The following SREBF2 variants were observed in gnomAD, a reference collection of about 807,000 sequenced individuals.
The protein encoded by SREBF2 is sterol regulatory element-binding protein 2.
In SREBF2, 55 loss-of-function variants were observed where a neutral mutation model predicts 113.1. The observed-to-expected ratio is 0.49, with a 90% CI of 0.39 to 0.61. The LOEUF is 0.61. Among genes scored for constraint, SREBF2 ranks in the 20% least tolerant of loss-of-function variants. The pLI, the probability that SREBF2 is intolerant of heterozygous loss-of-function variation, is 0.00. For synonymous variants in SREBF2, 593 were observed against 605.7 expected (o/e 0.98, Z 0.31); for missense variants, 1,349 against 1,487.4 (o/e 0.91, Z 1.53).
At chr22:41,864,788 C>T (rs2077060403) in intron 1 of SREBF2, among the ~76,000 whole-genome samples, 1 of 151,722 alleles carries the variant, frequency 6.6e-6, no homozygotes, top group African/African-American at 2.4e-5. Flanking sequence ...CTCGTCTCTA[C>T]AGAAAATACA....
At chr22:41,851,903 A>G (rs1028006298) in intron 1 of SREBF2, among the ~76,000 whole-genome samples, 4 of 151,886 alleles carry the variant, frequency 2.6e-5, no homozygotes, top group African/African-American at 7.2e-5. Flanking sequence ...GGTGGATCAC[A>G]AGGTCAGGAG....
chr22:41,905,592 C>T lies in SREBF2; in HGVS notation c.3358C>T (p.Arg1120Cys), dbSNP rs370196827. The change falls in exon 19 of 19, where the codon CGC (arginine) becomes TGC (cysteine). Residue 1120 changes from arginine to cysteine, a missense_variant. By Grantham distance (180) the Arg-to-Cys change is radical. Around this residue, in one of 2 missense-constraint regions of SREBF2, gnomAD observed 650 missense variants for 644.1 expected, o/e 1.01. Transcript: ENST00000361204. The stretch of plus-strand genomic sequence containing the variant: ...CACCCTGGAGAAGGTGGGCGACCGG[C>T]GCTCCTGCAACGACTGCCAGCAGAT... Reference protein sequence around the residue: ...ARTLEKVGDRRSCNDCQQMIV... With the variant: ...ARTLEKVGDRCSCNDCQQMIV... 26 of 1,599,216 alleles carry T rather than the reference C, an allele frequency of 1.6e-5. No homozygotes were observed. Among genetic ancestry groups the T allele is most frequent in the Middle Eastern group, 1.6e-4 (1 of 6,074 alleles).
In SREBF2 at chr22:41,893,175, A is replaced by T. The variant is rs759919320; in HGVS notation, c.2267A>T (p.Asp756Val). The T allele has an allele frequency of 1.2e-6, 2 of 1,613,634 alleles. No homozygotes were observed. The highest frequency in any genetic ancestry group is 3.3e-5 in the Admixed American group (2 of 59,972). ...LCGPEHSAVP[D>V]SLRWLCHPLG... is the part of the protein sequence containing the mutation. Reference sequence around the variant, plus strand: ...GGCCCCGAGCACAGTGCTGTTCCTGACTCCCTGCGCTGGCTCTGCCACCCC... The same window carrying T: ...GGCCCCGAGCACAGTGCTGTTCCTGTCTCCCTGCGCTGGCTCTGCCACCCC... The change falls in exon 12 of 19, where the codon GAC (aspartate) becomes GTC (valine). Residue 756 changes from aspartate to valine, a missense_variant. Asp to Val is a radical substitution (Grantham distance 152, BLOSUM62 -3). Transcript: ENST00000361204.
At chr22:41,873,765 G>A (rs940394722) in intron 4 of SREBF2, 33 bp from the exon 5 acceptor site, 1 of 1,565,970 alleles carries the variant, frequency 6.4e-7, no homozygotes, top group South Asian at 1.2e-5. Flanking sequence ...CTAACAAAGG[G>A]ATCATTCTGC....
At chr22:41,879,950 C>T (rs552591256) in intron 9 of SREBF2, among the ~76,000 whole-genome samples, 52 of 152,258 alleles carry the variant, frequency 3.4e-4, no homozygotes, top group Non-Finnish European at 5.7e-4. Context: ...AAGCCGGGTG[C>T]TGTGGCTCAC....
intron 1 of SREBF2, among the ~76,000 whole-genome samples, chr22:41,862,021 A>G (rs890111550): frequency 1.3e-5 from 2 of 151,494 alleles, no homozygotes; most frequent in Admixed American, 6.6e-5. Flanking sequence ...CCCAGCCCCT[A>G]ATAGGGCTGG....
chr22:41,836,804 A>T (rs1310006714), intron 1 of SREBF2, among the ~76,000 whole-genome samples: 1 of 152,132 alleles, frequency 6.6e-6, no homozygotes, highest in Non-Finnish European at 1.5e-5. Context: ...AGGCAGGGTG[A>T]GTACATTTAC....
At chr22:41,894,536 C>T (rs1268909129) in intron 12 of SREBF2, among the ~76,000 whole-genome samples, 1 of 152,142 alleles carries the variant, frequency 6.6e-6, no homozygotes, top group African/African-American at 2.4e-5. Context: ...CCTGACAGCT[C>T]CCAACCTTAG....
chr22:41,900,376 G>A lies in SREBF2; in HGVS notation c.2785G>A (p.Ala929Thr). 2 of 1,613,864 alleles carry A rather than the reference G, an allele frequency of 1.2e-6. No homozygotes were observed. The highest frequency in any genetic ancestry group is 1.7e-6 in the Non-Finnish European group (2 of 1,180,042). Residue 929 changes from alanine (A) to threonine (T), a missense_variant, in exon 16 of 19, where the codon GCC becomes ACC. Around this residue, in one of 2 missense-constraint regions of SREBF2, gnomAD observed 650 missense variants for 644.1 expected, o/e 1.01. Transcript: ENST00000361204. ...CTTCCATGCCTGCAGAGCCATGCAT[G>A]CCTCACTCCCTGGGAAAGCAGATGG... ...AIFHACRAMH[A>T]SLPGKADGQQ...
Position 41,904,887 on chromosome 22 carries a change from C to T in SREBF2, c.3118C>T (p.Arg1040Cys), listed in dbSNP as rs1354688807. The T allele has an allele frequency of 1.4e-5, 22 of 1,601,936 alleles. No individual in the cohort carries two copies. The highest frequency in any genetic ancestry group is 1.9e-5 in the Non-Finnish European group (22 of 1,176,796). The change falls in exon 18 of 19, where the codon CGC becomes TGC. Residue 1040 changes from arginine to cysteine, a missense_variant. Physicochemically the swap from Arg to Cys is radical, Grantham distance 180. Transcript: ENST00000361204. ...RKVFLHEATV[R>C]LMAGASPTRT... ...GGTGTTCCTGCATGAAGCCACCGTG[C>T]GCCTGATGGCAGGAGCCAGCCCCAC... is the stretch of plus-strand genomic sequence containing the variant.
chr22:41,872,939 T>G (rs2077160148), intron 4 of SREBF2, among the ~76,000 whole-genome samples: 1 of 151,198 alleles, frequency 6.6e-6, no homozygotes, highest in Non-Finnish European at 1.5e-5. Context: ...GGCTCACGCC[T>G]GTAATCCCAG....
At chr22:41,886,764 T>C (rs2077303235) in intron 11 of SREBF2, among the ~76,000 whole-genome samples, 1 of 152,238 alleles carries the variant, frequency 6.6e-6, no homozygotes, top group Admixed American at 6.5e-5. Flanking sequence ...CCGGGCACGG[T>C]GGCTTACCCC....
intron 8 of SREBF2, 41 bp downstream of exon 8, chr22:41,877,462 C>T (rs371211105): frequency 2.4e-5 from 39 of 1,605,846 alleles, no homozygotes; most frequent in Non-Finnish European, 3.3e-5. Flanking sequence ...ATGGCTGGAC[C>T]ACTATGGCAG....
chr22:41,849,783 G>A (rs951693035), intron 1 of SREBF2, among the ~76,000 whole-genome samples: 4 of 152,030 alleles, frequency 2.6e-5, no homozygotes, highest in African/African-American at 9.7e-5. Flanking sequence ...CCCTTGATGC[G>A]TCCATTACAT....
chr22:41,867,332 C>T lies in SREBF2; in HGVS notation c.538+52C>T, dbSNP rs2077092239. 5 of 1,577,836 alleles carry T rather than the reference C, an allele frequency of 3.2e-6. No homozygotes were observed. In the East Asian group the frequency reaches 1.1e-4, roughly 35 times the overall value. On this transcript the variant is annotated intron_variant, in intron 2 of 18. Coordinates refer to ENST00000361204, the MANE Select transcript of SREBF2 (RefSeq NM_004599.4). ...GTTGGTTGGTTCCAATGTTTATGTG[C>T]CAGTTTGCAGACACTGTAAATATTT...
rs1258907715 is a variant in SREBF2, at chr22:41,833,441, C to A, written c.88+83C>A. ...GCGCGCCCGGGTGCGCGTGCGCCCA[C>A]CCCCCGACAGCCCCGGTTCGCGCGG... On this transcript the variant is annotated intron_variant, in intron 1 of 18. Coordinates refer to ENST00000361204, the MANE Select transcript of SREBF2 (RefSeq NM_004599.4). This position sits in a 1 kb window ranked among gnomAD's most constrained non-coding sequence, Gnocchi z 4.1. The A allele has an allele frequency of 7.3e-6, 9 of 1,235,066 alleles. No individual in the cohort carries two copies. The highest frequency in any genetic ancestry group is 4.3e-5 in the Admixed American group (2 of 46,538). The allele number at this position is 1,235,066 out of a possible 1,614,324, so 76.5% of individuals were successfully genotyped here.
chr22:41,900,140 G>A (rs1414086754), intron 15 of SREBF2, 190 bp from the exon 16 acceptor site: 15 of 1,481,474 alleles, frequency 1.0e-5, no homozygotes, highest in East Asian at 5.0e-5. Flanking sequence ...AGGGTGGGGC[G>A]CTAACCCTAG....
chr22:41,872,924 G>A (rs1471005792), intron 4 of SREBF2, among the ~76,000 whole-genome samples: 5 of 149,796 alleles, frequency 3.3e-5, no homozygotes, highest in Non-Finnish European at 5.9e-5. Context: ...AAAACAGGAC[G>A]TGGTGGCTCA....
chr22:41,867,816 A>G (rs945813445), intron 2 of SREBF2, among the ~76,000 whole-genome samples: 3 of 151,888 alleles, frequency 2.0e-5, no homozygotes, highest in Admixed American at 2.0e-4. Context: ...TTAAAAAGAA[A>G]AAAAAAAATC....
Sources: allele counts gnomAD v4.1 joint callset (sites outside exome capture counted in the v4.1 genomes callset), GRCh38; gene constraint gnomAD v4.1.1; regional missense constraint gnomAD v4.1.1; non-coding constraint Gnocchi (gnomAD v3.1); transcripts MANE v1.5; gene names NCBI Gene and HGNC (gene_info 2026-07-23, HGNC 2026-07-21).